The following LHFPL3 variants were observed in gnomAD, a reference collection of about 807,000 sequenced individuals.
LHFPL3 encodes the protein LHFPL tetraspan subfamily member 3 protein.
A neutral mutation model predicts 19.3 loss-of-function variants in LHFPL3; 5 were observed. That is an observed-to-expected ratio of 0.26 (90% CI 0.14 to 0.54). The LOEUF is 0.54. LHFPL3 is among the 20% of genes least tolerant of loss of function. LHFPL3 has a pLI of 0.94. For missense variants in LHFPL3, 249 were observed against 307.4 expected, an observed-to-expected ratio of 0.81 and a Z score of 1.42; for synonymous variants, 133 against 126.2, an observed-to-expected ratio of 1.05 and a Z score of -0.36.
intron 2 of LHFPL3, chr7:104,803,932 T>C (rs866474154): frequency 6.6e-6 from 1 of 152,198 alleles, no homozygotes; most frequent in Non-Finnish European, 1.5e-5. Context: ...GCTTCTGTCA[T>C]CATGTTAGGA....
chr7:104,870,285 C>A (rs1791807457), intron 2 of LHFPL3, among the ~76,000 whole-genome samples: 1 of 152,034 alleles, frequency 6.6e-6, no homozygotes, highest in African/African-American at 2.4e-5. Context: ...CATTGAATAC[C>A]AAGAAGCAAC....
rs1310665358 is a variant in LHFPL3, at chr7:104,560,538, A to AT, written c.446-176131dup. Among the ~76,000 whole-genome samples the AT allele has an allele frequency of 4.0e-5, 6 of 149,374 alleles. No homozygotes were observed. In the South Asian group the frequency reaches 1.1e-3, roughly 26 times the overall value. On this transcript the variant is annotated intron_variant, in intron 1 of 2. Coordinates refer to ENST00000424859, the MANE Select transcript of LHFPL3 (RefSeq NM_199000.3). ...GATCGGTGGTGATATCCCCTTTATC[A>AT]TTTTTTATTGCGTCTATTTGATTCT...
intron 1 of LHFPL3, among the ~76,000 whole-genome samples, chr7:104,524,006 G>A (rs1418411748): frequency 6.6e-6 from 1 of 152,146 alleles, no homozygotes; most frequent in Non-Finnish European, 1.5e-5. Context: ...GTTTAGGAAC[G>A]ATTTATATCA....
intron 1 of LHFPL3, among the ~76,000 whole-genome samples, chr7:104,364,230 G>A (rs1026832970): frequency 1.3e-5 from 2 of 152,196 alleles, no homozygotes; most frequent in Non-Finnish European, 2.9e-5. Context: ...ATTGGCTATA[G>A]GCAAAGTTTG....
At chr7:104,905,612 T>C (rs1792581764) in intron 2 of LHFPL3, among the ~76,000 whole-genome samples, 1 of 152,128 alleles carries the variant, frequency 6.6e-6, no homozygotes, top group South Asian at 2.1e-4. Context: ...ATATGGACAA[T>C]GGAAATTTAG....
chr7:104,812,834 C>CCAGG (rs1223436557), intron 2 of LHFPL3, among the ~76,000 whole-genome samples: 109 of 105,458 alleles, frequency 1.0e-3, no homozygotes, highest in South Asian at 8.8e-3. Context: ...AAAAAAAAGG[C>CCAGG]CAGGCGCAGT....
At chr7:104,426,116 C>T (rs923934064) in intron 1 of LHFPL3, among the ~76,000 whole-genome samples, 1 of 152,132 alleles carries the variant, frequency 6.6e-6, no homozygotes, top group African/African-American at 2.4e-5. Flanking sequence ...TCTACTTTGT[C>T]CATTTACACA....
At chr7:104,366,755 A>G (rs1167971721) in intron 1 of LHFPL3, among the ~76,000 whole-genome samples, 1 of 152,210 alleles carries the variant, frequency 6.6e-6, no homozygotes, top group Non-Finnish European at 1.5e-5. Flanking sequence ...GGCTTTGACT[A>G]CATTCTTGAT....
intron 1 of LHFPL3, among the ~76,000 whole-genome samples, chr7:104,633,407 G>A (rs898657810): frequency 1.8e-4 from 28 of 152,266 alleles, no homozygotes; most frequent in African/African-American, 5.8e-4. Flanking sequence ...ACTGGAAACT[G>A]CACAAAACCA....
chr7:104,682,205 G>C (rs567290667), intron 1 of LHFPL3, among the ~76,000 whole-genome samples: 38 of 152,162 alleles, frequency 2.5e-4, no homozygotes, highest in Non-Finnish European at 4.6e-4. Flanking sequence ...ATTTTCAATA[G>C]TCAAAAAAAA....
intron 1 of LHFPL3, among the ~76,000 whole-genome samples, chr7:104,469,363 T>G (rs1440329282): frequency 1.3e-5 from 2 of 152,214 alleles, no homozygotes; most frequent in African/African-American, 2.4e-5. Flanking sequence ...TTTTACAGCA[T>G]TATACAGTGC....
At chr7:104,468,289 G>T (rs1792833268) in intron 1 of LHFPL3, among the ~76,000 whole-genome samples, 1 of 152,206 alleles carries the variant, frequency 6.6e-6, no homozygotes, top group Non-Finnish European at 1.5e-5. Flanking sequence ...GTATGAGGGT[G>T]TCACATTGAC....
intron 1 of LHFPL3, among the ~76,000 whole-genome samples, chr7:104,633,526 G>A (rs924565985): frequency 2.0e-5 from 3 of 152,142 alleles, no homozygotes; most frequent in Admixed American, 6.6e-5. Context: ...CAGCCATAAT[G>A]AGCCAGGAAT....
intron 1 of LHFPL3, among the ~76,000 whole-genome samples, chr7:104,563,344 C>T (rs555141199): frequency 0.06 from 7,225 of 121,034 alleles, no homozygotes; most frequent in African/African-American, 0.13. Context: ...ACTCCGTGGG[C>T]GTAGGACCCT....
At chr7:104,896,610 C>G (rs900688039) in intron 2 of LHFPL3, among the ~76,000 whole-genome samples, 4 of 152,174 alleles carry the variant, frequency 2.6e-5, no homozygotes, top group Admixed American at 2.6e-4. Flanking sequence ...GCTTTTCCAG[C>G]AAAAGGAGCA....
At chr7:104,340,015 A>C (rs1323612205) in intron 1 of LHFPL3, among the ~76,000 whole-genome samples, 1 of 152,216 alleles carries the variant, frequency 6.6e-6, no homozygotes, top group Non-Finnish European at 1.5e-5. Flanking sequence ...GAAAGTAATA[A>C]TAGACTTGAG....
intron 2 of LHFPL3, among the ~76,000 whole-genome samples, chr7:104,772,644 G>A (rs574563705): frequency 6.6e-6 from 1 of 152,354 alleles, no homozygotes; most frequent in South Asian, 2.1e-4. Context: ...CAGAGATAAA[G>A]AAGAACACAG....
chr7:104,374,250 A>G (rs1461579138), intron 1 of LHFPL3, among the ~76,000 whole-genome samples: 2 of 150,954 alleles, frequency 1.3e-5, no homozygotes, highest in South Asian at 2.1e-4. Context: ...GTATACATAT[A>G]TATTTTTTTT....
At chr7:104,768,322 G>T (rs1196648429) in intron 2 of LHFPL3, among the ~76,000 whole-genome samples, 1 of 152,142 alleles carries the variant, frequency 6.6e-6, no homozygotes, top group Non-Finnish European at 1.5e-5. Context: ...GTAAGAAAAA[G>T]TTGACACCAG....
Sources: allele counts gnomAD v4.1 joint callset (sites outside exome capture counted in the v4.1 genomes callset), GRCh38; gene constraint gnomAD v4.1.1; transcripts MANE v1.5; gene names NCBI Gene and HGNC (gene_info 2026-07-23, HGNC 2026-07-21).